Variants in ADAM22 observed in about 807,000 individuals in gnomAD.
ADAM22 encodes ADAM metallopeptidase domain 22.
Under a neutral mutation model 144.6 loss-of-function variants are expected in ADAM22, and 65 were observed. The observed-to-expected ratio is 0.45, with a 90% CI of 0.37 to 0.55. The LOEUF (loss-of-function observed/expected upper bound fraction) is 0.55. Ranked by LOEUF, ADAM22 falls within the 20% of genes least tolerant of loss-of-function variation. The pLI is 0.00. For missense variants in ADAM22, 974 were observed against 1,184.9 expected (o/e 0.82, Z 2.61); for synonymous variants, 391 against 412.6 (o/e 0.95, Z 0.63).
chr7:88,100,286 A>T (rs772146527), intron 4 of ADAM22, among the ~76,000 whole-genome samples: 8 of 152,216 alleles, frequency 5.3e-5, no homozygotes, highest in Non-Finnish European at 1.0e-4. Context: ...ATTTAGCTTT[A>T]TGAAAAATTA....
At chr7:88,126,097 T>C (rs536939507) in intron 8 of ADAM22, among the ~76,000 whole-genome samples, 74 of 152,026 alleles carry the variant, frequency 4.9e-4, no homozygotes, top group African/African-American at 1.8e-3. Context: ...AACTTTGGAG[T>C]CCAGGATATA....
rs1851263233 is a variant in ADAM22, at chr7:88,202,377, T to G, written c.*5886T>G. ...AGAAACGGGGTGTTTTACCTAAACA[T>G]AGTAGCTTACATGTTAGCCAGCAGT... On this transcript the variant is annotated 3_prime_UTR_variant, in exon 32 of 32. Transcript: ENST00000413139. The G allele has an allele frequency of 6.6e-6, 1 of 152,132 alleles. No homozygotes were observed. The highest frequency in any genetic ancestry group is 1.5e-5 in the Non-Finnish European group (1 of 68,012). The allele number at this position is 152,132 out of a possible 1,614,324, so 9.4% of individuals were successfully genotyped here. A position where few individuals can be genotyped will look rare whatever the true frequency, so the allele number is the denominator to read the frequency against.
intron 2 of ADAM22, among the ~76,000 whole-genome samples, chr7:87,959,422 C>T (rs1167706671): frequency 6.6e-6 from 1 of 151,960 alleles, no homozygotes; most frequent in African/African-American, 2.4e-5. Flanking sequence ...AAAACTGATA[C>T]TCGGTGTCAT....
chr7:88,078,773 G>A (rs1038095376), intron 4 of ADAM22, among the ~76,000 whole-genome samples: 2 of 152,180 alleles, frequency 1.3e-5, no homozygotes, highest in Admixed American at 1.3e-4. Flanking sequence ...TGAATGAAAT[G>A]AAGCGTGAAG....
In ADAM22 at chr7:88,047,918, G is replaced by A. The variant is rs902352892; in HGVS notation, c.324-27708G>A. 2.5e-4 allele frequency among the ~76,000 whole-genome samples: 38 copies of A among 151,980 alleles called. 2 individuals are homozygous for A. Among genetic ancestry groups the A allele is most frequent in the Admixed American group, 2.5e-3 (38 of 15,264 alleles). On this transcript the variant is annotated intron_variant, in intron 3 of 31. Coordinates refer to ENST00000413139, the MANE Select transcript of ADAM22 (RefSeq NM_001324418.2). ...TCACATATACATATATATAAGAAAA[G>A]TGAAATACATTTTTTAAAAAGATGA...
chr7:88,135,761 GT>G (rs1218547156), intron 13 of ADAM22, among the ~76,000 whole-genome samples: 2 of 151,962 alleles, frequency 1.3e-5, no homozygotes, highest in Non-Finnish European at 2.9e-5. Context: ...AAATACAAGG[GT>G]TTTTTTGGGG....
At chr7:88,095,992 G>A (rs12535312) in intron 4 of ADAM22, among the ~76,000 whole-genome samples, 62,003 of 145,572 alleles carry the variant, frequency 0.43, 15,063 homozygotes, top group East Asian at 0.87. Context: ...GCAGTGGTGC[G>A]ATCATAGCTC....
At chr7:88,184,644 C>G (rs1358031950) in intron 29 of ADAM22, among the ~76,000 whole-genome samples, 5 of 152,128 alleles carry the variant, frequency 3.3e-5, no homozygotes, top group Non-Finnish European at 7.3e-5. Flanking sequence ...CAAGTCAAGC[C>G]ACATAGGTAG....
chr7:87,954,512 G>T (rs184305035), intron 2 of ADAM22, among the ~76,000 whole-genome samples: 1 of 152,278 alleles, frequency 6.6e-6, no homozygotes, highest in South Asian at 2.1e-4. Context: ...TGAGAGATCT[G>T]CTGTTAGTCT....
At chr7:88,075,936 C>T (rs564576919) in intron 4 of ADAM22, among the ~76,000 whole-genome samples, 1 of 152,254 alleles carries the variant, frequency 6.6e-6, no homozygotes, top group Non-Finnish European at 1.5e-5. Flanking sequence ...GCTATAGCTG[C>T]AAGTACTAGG....
intron 3 of ADAM22, among the ~76,000 whole-genome samples, chr7:88,062,401 C>G (rs1318610551): frequency 3.3e-5 from 5 of 152,192 alleles, no homozygotes; most frequent in Non-Finnish European, 7.3e-5. Flanking sequence ...CCTCTGCTAG[C>G]TTCAAACATT....
At chr7:87,943,631 G>T (rs1159249094) in intron 2 of ADAM22, among the ~76,000 whole-genome samples, 6 of 151,956 alleles carry the variant, frequency 3.9e-5, no homozygotes, top group African/African-American at 1.5e-4. Flanking sequence ...ATAGAAGTTT[G>T]TTTTGTTTCC....
At chr7:88,119,943 G>T (rs1828847430) in intron 7 of ADAM22, among the ~76,000 whole-genome samples, 1 of 152,130 alleles carries the variant, frequency 6.6e-6, no homozygotes, top group Non-Finnish European at 1.5e-5. Flanking sequence ...GAATAAAATT[G>T]CTGGGCCATA....
Position 88,199,330 on chromosome 7 carries a change from T to C in ADAM22, c.*2839T>C, listed in dbSNP as rs1850984367. On this transcript the variant is annotated 3_prime_UTR_variant, in exon 32 of 32. Transcript: ENST00000413139. ...GCCTTTTTCCCCTCTTCCAGTTTTA[T>C]GCATTGATAAGACTACAGATTGGCA... 6.6e-6 allele frequency: 1 copy of C among 152,236 alleles called. No homozygotes were observed. 9.4% of individuals were successfully genotyped at this position (152,236 alleles called of 1,614,324 possible).
chr7:88,188,605 G>T (rs1848876494), intron 30 of ADAM22, among the ~76,000 whole-genome samples: 1 of 152,214 alleles, frequency 6.6e-6, no homozygotes, highest in African/African-American at 2.4e-5. Context: ...GATAAGATTT[G>T]AAATTCAATA....
chr7:87,961,873 T>G (rs1433124347), intron 2 of ADAM22, among the ~76,000 whole-genome samples: 2 of 152,232 alleles, frequency 1.3e-5, no homozygotes, highest in African/African-American at 4.8e-5. Flanking sequence ...TCTCAAGAAC[T>G]TATAAAACAG....
At chr7:88,039,464 A>AATATATATATATATATATATATAT (rs1554420479) in intron 3 of ADAM22, among the ~76,000 whole-genome samples, 34 of 75,818 alleles carry the variant, frequency 4.5e-4, no homozygotes, top group Admixed American at 6.0e-4. Flanking sequence ...AAAAAAAAAA[A>AATATATATATATATATATATATAT]ATATATATAT....
At chr7:87,940,981 AT>A (rs1288637739) in intron 2 of ADAM22, among the ~76,000 whole-genome samples, 2 of 152,154 alleles carry the variant, frequency 1.3e-5, no homozygotes, top group African/African-American at 4.8e-5. Flanking sequence ...CACCTTAATG[AT>A]TCTTTTTTGT....
At chr7:87,965,476 T>C (rs1848853215) in intron 2 of ADAM22, among the ~76,000 whole-genome samples, 1 of 152,208 alleles carries the variant, frequency 6.6e-6, no homozygotes, top group African/African-American at 2.4e-5. Context: ...TAGAATTATA[T>C]AGTTTCATTC....
Sources: gnomAD v4.1 joint callset for allele counts (sites outside exome capture counted in the v4.1 genomes callset) on GRCh38, gnomAD v4.1.1 for gene constraint, MANE v1.5 for transcripts, NCBI Gene and HGNC (gene_info 2026-07-23, HGNC 2026-07-21) for gene names.